Variants in PTPRD observed in about 807,000 individuals in gnomAD.
PTPRD encodes the protein receptor-type tyrosine-protein phosphatase delta.
A neutral mutation model predicts 214.5 loss-of-function variants in PTPRD; 34 were observed. The observed-to-expected ratio is 0.16, with a 90% CI of 0.12 to 0.21. PTPRD has a LOEUF of 0.21. Ranked by LOEUF, PTPRD falls within the 10% of genes least tolerant of loss-of-function variation. The pLI, the probability that PTPRD is intolerant of heterozygous loss-of-function variation, is 1.00. For missense variants in PTPRD, 2,545 were observed against 2,398.7 expected, an observed-to-expected ratio of 1.06 and a Z score of -1.27; for synonymous variants, 1,128 against 845.7, an observed-to-expected ratio of 1.33 and a Z score of -5.79.
chr9:10,461,233 G>C (rs1268622810), intron 2 of PTPRD, among the ~76,000 whole-genome samples: 1 of 119,406 alleles, frequency 8.4e-6, no homozygotes, highest in African/African-American at 3.2e-5. Flanking sequence ...AAAGATAAGA[G>C]ATAACAGGTG....
rs111724244 is a variant in PTPRD at position 8,712,447 on chromosome 9, CTT to C, written c.64+21331_64+21332del. 1.0e-3 allele frequency among the ~76,000 whole-genome samples: 150 copies of C among 143,076 alleles called. 6 individuals are homozygous for C. The highest frequency in any genetic ancestry group is 3.6e-3 in the African/African-American group (141 of 39,536). 93.9% of individuals were successfully genotyped at this position (143,076 alleles called of 152,430 possible). ...TGGTGTTATTTTCGTCACTATGTGC[CTT>C]TTTTTTTTTTCTTTTTGGAAAGAAG... On this transcript the variant is annotated intron_variant, in intron 12 of 45. Transcript: ENST00000381196.
chr9:10,551,502 G>C (rs2061350070), intron 2 of PTPRD, among the ~76,000 whole-genome samples: 1 of 152,078 alleles, frequency 6.6e-6, no homozygotes, highest in Admixed American at 6.6e-5. Context: ...TGATTATGAA[G>C]GTCCTGAAGA....
At chr9:8,401,102 A>T (rs1028256550) in intron 36 of PTPRD, among the ~76,000 whole-genome samples, 19 of 152,082 alleles carry the variant, frequency 1.2e-4, no homozygotes, top group Non-Finnish European at 2.6e-4. Context: ...TGCACATCCA[A>T]GTATTAGCTT....
At chr9:9,713,512 G>A (rs1006645087) in intron 7 of PTPRD, among the ~76,000 whole-genome samples, 3 of 152,120 alleles carry the variant, frequency 2.0e-5, no homozygotes, top group Non-Finnish European at 4.4e-5. Flanking sequence ...AACAGATTAT[G>A]CCAAGTGCAA....
chr9:9,988,313 A>G lies in PTPRD; in HGVS notation c.-472+45405T>C, dbSNP rs575928017. Among the ~76,000 whole-genome samples, 15 of 152,200 alleles carry G rather than the reference A, an allele frequency of 9.9e-5. 1 individual carries two copies. In the South Asian group the frequency reaches 3.1e-3, roughly 31 times the overall value. The stretch of plus-strand genomic sequence containing the variant: ...TATTTTTAATTTCTTCTTGTCTGTT[A>G]TTTAGTGTTTTGTTTTCTCTATCAG... On this transcript the variant is annotated intron_variant, in intron 4 of 45. Transcript: ENST00000381196.
At chr9:8,766,898 G>T (rs76432008) in intron 11 of PTPRD, among the ~76,000 whole-genome samples, 2 of 152,080 alleles carry the variant, frequency 1.3e-5, no homozygotes, top group Non-Finnish European at 2.9e-5. Flanking sequence ...TTAGCCGATG[G>T]TGAAATTGGC....
chr9:9,188,481 T>C (rs1023281363), intron 9 of PTPRD, among the ~76,000 whole-genome samples: 1 of 152,080 alleles, frequency 6.6e-6, no homozygotes, highest in Non-Finnish European at 1.5e-5. Flanking sequence ...TTTCCTGCAA[T>C]ATATGAGTGT....
intron 14 of PTPRD, among the ~76,000 whole-genome samples, chr9:8,586,253 T>C (rs530188481): frequency 8.9e-5 from 13 of 146,128 alleles, no homozygotes; most frequent in African/African-American, 3.2e-4. Flanking sequence ...TGAGCTGAGA[T>C]TGCACCAATG....
At chr9:8,876,082 T>C (rs2098386474) in intron 11 of PTPRD, among the ~76,000 whole-genome samples, 1 of 152,218 alleles carries the variant, frequency 6.6e-6, no homozygotes, top group South Asian at 2.1e-4. Flanking sequence ...AAATCTCTGC[T>C]TTTCAACACA....
chr9:9,120,915 C>A (rs1361903159), intron 10 of PTPRD, among the ~76,000 whole-genome samples: 1 of 152,182 alleles, frequency 6.6e-6, no homozygotes. Flanking sequence ...AGAACTATCA[C>A]TTTCTCATTG....
chr9:9,311,530 T>C (rs1187803528), intron 9 of PTPRD, among the ~76,000 whole-genome samples: 1 of 152,130 alleles, frequency 6.6e-6, no homozygotes, highest in African/African-American at 2.4e-5. Context: ...AACAGGATTC[T>C]CCCCAAAACC....
At position 9,136,195 on chromosome 9, in the gene PTPRD, A is replaced by G. The variant is rs780396377; in HGVS notation, c.-143+47109T>C. ...TGGTAAGGAGTTTATGTTCACATTA[A>G]GGAGAAAAAAATGGCAAGCACTAGA... On this transcript the variant is annotated intron_variant, in intron 10 of 45. Transcript: ENST00000381196. Among the ~76,000 whole-genome samples, 66 of 152,286 alleles carry G rather than the reference A, an allele frequency of 4.3e-4. 1 individual carries two copies. Among genetic ancestry groups the G allele is most frequent in the Non-Finnish European group, 6.5e-4 (44 of 67,994 alleles).
chr9:9,606,330 A>C (rs1321394301), intron 7 of PTPRD, among the ~76,000 whole-genome samples: 1 of 152,098 alleles, frequency 6.6e-6, no homozygotes, highest in African/African-American at 2.4e-5. Context: ...TTCTGGTTCT[A>C]TCTCATTATA....
At chr9:8,523,571 A>G in intron 18 of PTPRD, 47 bp from the exon 19 acceptor site, 1 of 1,609,654 alleles carries the variant, frequency 6.2e-7, no homozygotes, top group Non-Finnish European at 8.5e-7. Context: ...AAATGAGGAA[A>G]GGAGAAAAAC....
At chr9:9,021,610 G>A (rs541383457) in intron 10 of PTPRD, among the ~76,000 whole-genome samples, 141 of 152,098 alleles carry the variant, frequency 9.3e-4, no homozygotes, top group African/African-American at 2.9e-3. Flanking sequence ...CATTGCTGTC[G>A]TAGGAGATGA....
At chr9:10,305,383 CA>C (rs532681794) in intron 3 of PTPRD, among the ~76,000 whole-genome samples, 18,178 of 75,846 alleles carry the variant, frequency 0.24, 1,033 homozygotes, top group Middle Eastern at 0.29. Context: ...AAAGCAATGG[CA>C]AAAAAAAAAA....
chr9:9,401,442 T>C (rs1414818572), intron 8 of PTPRD, among the ~76,000 whole-genome samples: 1 of 152,032 alleles, frequency 6.6e-6, no homozygotes, highest in African/African-American at 2.4e-5. Flanking sequence ...GTCCAGGACT[T>C]GGACTGAAGT....
At chr9:10,189,516 A>G (rs1337594210) in intron 3 of PTPRD, among the ~76,000 whole-genome samples, 2 of 152,132 alleles carry the variant, frequency 1.3e-5, no homozygotes, top group Non-Finnish European at 2.9e-5. Flanking sequence ...AATGGGATGG[A>G]GAATATATTC....
At chr9:10,251,173 A>G (rs1238436543) in intron 3 of PTPRD, among the ~76,000 whole-genome samples, 1 of 152,168 alleles carries the variant, frequency 6.6e-6, no homozygotes, top group Non-Finnish European at 1.5e-5. Context: ...ATTAAATAAC[A>G]TGCTCAAAAC....
Sources: allele counts gnomAD v4.1 joint callset (sites outside exome capture counted in the v4.1 genomes callset), GRCh38; gene constraint gnomAD v4.1.1; transcripts MANE v1.5; gene names NCBI Gene and HGNC (gene_info 2026-07-23, HGNC 2026-07-21).